Variants in RTKN2 observed in about 807,000 individuals in gnomAD.
RTKN2 encodes rhotekin-2.
Under a neutral mutation model 71.5 loss-of-function variants are expected in RTKN2, and 69 were observed. The ratio of observed to expected loss-of-function variants is 0.96; its 90% CI spans 0.79 to 1.18. The LOEUF (loss-of-function observed/expected upper bound fraction) is 1.18. Ranked by LOEUF, RTKN2 falls within the 50% of genes most tolerant of loss-of-function variation. RTKN2 has a pLI of 0.00. For synonymous variants in RTKN2, 236 were observed against 236.5 expected (o/e 1.00, Z 0.02); for missense variants, 724 against 719.7 (o/e 1.01, Z -0.07).
chr10:62,245,918 G>A (rs773307670), intron 3 of RTKN2, 81 bp downstream of exon 3: 2 of 832,230 alleles, frequency 2.4e-6, no homozygotes, highest in African/African-American at 1.7e-5. Flanking sequence ...AGAGAATGGA[G>A]ACAGGGCATA....
At chr10:62,200,128 C>T (rs1297731356) in intron 10 of RTKN2, among the ~76,000 whole-genome samples, 2 of 151,942 alleles carry the variant, frequency 1.3e-5, no homozygotes, top group Non-Finnish European at 2.9e-5. Context: ...AGTTGGAAGG[C>T]CTAGGTGGGC....
chr10:62,198,519 CA>C, intron 11 of RTKN2, 76 bp from the exon 12 acceptor site: 1 of 1,129,918 alleles, frequency 8.9e-7, no homozygotes, highest in Admixed American at 3.0e-5. Context: ...AGTTCTTTTC[CA>C]AACTAGTATG....
chr10:62,201,154 G>A (rs545813755), intron 10 of RTKN2, among the ~76,000 whole-genome samples: 78 of 152,126 alleles, frequency 5.1e-4, no homozygotes, highest in African/African-American at 1.7e-3. Context: ...AAAAGTAAAT[G>A]TAATACACTT....
At chr10:62,228,167 T>A (rs1307371480) in intron 6 of RTKN2, among the ~76,000 whole-genome samples, 2 of 152,094 alleles carry the variant, frequency 1.3e-5, no homozygotes, top group East Asian at 3.9e-4. Flanking sequence ...TACATGAAAT[T>A]TAATGAAAGT....
At chr10:62,217,089 T>C in intron 9 of RTKN2, 29 bp downstream of exon 9, 1 of 1,530,512 alleles carries the variant, frequency 6.5e-7, no homozygotes, top group South Asian at 1.3e-5. Context: ...AAGATGTATA[T>C]TTTTTTCTCA....
At chr10:62,222,012 A>T (rs796503489) in intron 7 of RTKN2, among the ~76,000 whole-genome samples, 3 of 152,358 alleles carry the variant, frequency 2.0e-5, no homozygotes, top group African/African-American at 7.2e-5. Context: ...GAACCCTGTA[A>T]CTATTAAGAA....
chr10:62,262,290 C>T (rs1323289749), intron 2 of RTKN2, among the ~76,000 whole-genome samples: 1 of 152,154 alleles, frequency 6.6e-6, no homozygotes, highest in Non-Finnish European at 1.5e-5. Flanking sequence ...ACAGCTAGTA[C>T]CTTTATATTA....
At chr10:62,189,852 C>CTTTTTTTT (rs34781086), downstream of RTKN2, among the ~76,000 whole-genome samples, 1 of 146,288 alleles carries the variant, frequency 6.8e-6, no homozygotes. Flanking sequence ...ATTCACCCAC[C>CTTTTTTTT]TTTTTTTTTT....
chr10:62,202,672 C>T (rs1368094341), intron 10 of RTKN2, among the ~76,000 whole-genome samples: 1 of 152,172 alleles, frequency 6.6e-6, no homozygotes, highest in Non-Finnish European at 1.5e-5. Flanking sequence ...GTCATCACTT[C>T]CTTATTATGT....
intron 3 of RTKN2, among the ~76,000 whole-genome samples, chr10:62,242,621 C>T (rs1186155877): frequency 1.9e-5 from 2 of 103,920 alleles, no homozygotes; most frequent in African/African-American, 5.8e-5. Flanking sequence ...CAATCTATTA[C>T]CTTTTTTTTT....
Position 62,198,353 on chromosome 10 carries a change from T to C in RTKN2, c.1385A>G (p.His462Arg), listed in dbSNP as rs3125734. 1,018,010 of 1,611,530 alleles carry C rather than the reference T, an allele frequency of 0.63. 327,762 individuals carry two copies. The highest frequency in any genetic ancestry group is 0.9 in the East Asian group (40,520 of 44,866). The change falls in exon 12 of 12, where the codon CAT becomes CGT. Residue 462 changes from histidine to arginine, a missense_variant. His to Arg is a conservative substitution (Grantham distance 29). Coordinates refer to ENST00000373789, the MANE Select transcript of RTKN2 (RefSeq NM_145307.4). The stretch of plus-strand genomic sequence containing the variant: ...CCAAGGAGGTGGTAAGGATTCTTCA[T>C]GCTGACCAATAAGGAACTGCCCATT... ...ETNGQFLIGQHEESLPPPWAT... is the reference protein window; with the variant it reads ...ETNGQFLIGQREESLPPPWAT...
At chr10:62,237,768 T>G (rs1412848930) in intron 5 of RTKN2, among the ~76,000 whole-genome samples, 1 of 151,564 alleles carries the variant, frequency 6.6e-6, no homozygotes, top group Non-Finnish European at 1.5e-5. Flanking sequence ...GGGAAAAATG[T>G]ACTTCAAAGC....
At chr10:62,255,857 C>T (rs1467244177) in intron 2 of RTKN2, among the ~76,000 whole-genome samples, 2 of 152,064 alleles carry the variant, frequency 1.3e-5, no homozygotes, top group Non-Finnish European at 1.5e-5. Context: ...CCAGCCTCAC[C>T]TAGAAAAAAA....
intron 9 of RTKN2, among the ~76,000 whole-genome samples, chr10:62,216,412 G>T (rs74156130): frequency 1.5e-3 from 224 of 151,954 alleles, no homozygotes; most frequent in African/African-American, 5.0e-3. Context: ...TAAAAAATGA[G>T]GAAAGAAAAA....
rs577086076 is a variant in RTKN2, at chr10:62,245,550, C to T, written c.316+449G>A. On this transcript the variant is annotated intron_variant, in intron 3 of 11. Coordinates refer to ENST00000373789, the MANE Select transcript of RTKN2 (RefSeq NM_145307.4). The stretch of plus-strand genomic sequence containing the variant: ...AGAGTCACTGAGCAATTACTATGAG[C>T]CAAGCACCATGCTAGCTTCTGGGTG... 2.8e-4 allele frequency among the ~76,000 whole-genome samples: 43 copies of T among 152,204 alleles called. 1 individual carries two copies. Among genetic ancestry groups the T allele is most frequent in the African/African-American group, 1.0e-3 (42 of 41,512 alleles).
intron 2 of RTKN2, among the ~76,000 whole-genome samples, chr10:62,246,639 A>G (rs1842483756): frequency 6.6e-6 from 1 of 152,082 alleles, no homozygotes; most frequent in African/African-American, 2.4e-5. Flanking sequence ...GAAACAGAGT[A>G]GCTCTGTAGA....
rs1287383067 is a variant in RTKN2, at chr10:62,194,715, T to C, written c.*3193A>G. On this transcript the variant is annotated 3_prime_UTR_variant, in exon 12 of 12. Coordinates refer to ENST00000373789, the MANE Select transcript of RTKN2 (RefSeq NM_145307.4). ...ATTAATTAACTTCTCAGTAGGGGGC[T>C]GAGGTGCTGAACATAAGCCTAAAGA... 1.0e-6 allele frequency: 1 copy of C among 985,310 alleles called. No individual in the cohort carries two copies. Among genetic ancestry groups the C allele is most frequent in the African/African-American group, 1.7e-5 (1 of 57,248 alleles). The allele number at this position is 985,310 out of a possible 1,614,324, so 61.0% of individuals were successfully genotyped here. A position where few individuals can be genotyped will look rare whatever the true frequency, so the allele number is the denominator to read the frequency against.
intron 2 of RTKN2, among the ~76,000 whole-genome samples, chr10:62,252,610 GA>G (rs993985539): frequency 1.3e-5 from 2 of 149,254 alleles, no homozygotes; most frequent in African/African-American, 4.9e-5. Flanking sequence ...AACACAACTT[GA>G]AAAAAAAAGT....
intron 11 of RTKN2, among the ~76,000 whole-genome samples, chr10:62,198,663 A>G (rs1841381504): frequency 1.3e-5 from 2 of 152,080 alleles, no homozygotes; most frequent in Non-Finnish European, 2.9e-5. Flanking sequence ...CATAATACAT[A>G]GTATATAAAA....
Sources: allele counts gnomAD v4.1 joint callset (sites outside exome capture counted in the v4.1 genomes callset), GRCh38; gene constraint gnomAD v4.1.1; transcripts MANE v1.5; gene names NCBI Gene and HGNC (gene_info 2026-07-23, HGNC 2026-07-21).